The following CACNA2D1 variants were observed in gnomAD, a reference collection of about 807,000 sequenced individuals.
CACNA2D1 encodes voltage-dependent calcium channel subunit alpha-2/delta-1.
CACNA2D1 carries 53 observed loss-of-function variants against 171.5 expected under a neutral mutation model. That is an observed-to-expected ratio of 0.31 (90% CI 0.25 to 0.39). CACNA2D1 has a LOEUF of 0.39. Among genes scored for constraint, CACNA2D1 ranks in the 10% least tolerant of loss-of-function variants. The probability of loss-of-function intolerance (pLI) is 1.00; values close to 1 mark genes in which losing one functional copy is unlikely to be tolerated. For synonymous variants in CACNA2D1, 442 were observed against 443.1 expected (o/e 1.00, Z 0.03); for missense variants, 903 against 1,299.8 (o/e 0.69, Z 4.69).
At chr7:81,961,731 T>G (rs1390586613) in intron 36 of CACNA2D1, among the ~76,000 whole-genome samples, 163 bp downstream of exon 36, 2 of 152,058 alleles carry the variant, frequency 1.3e-5, no homozygotes, top group African/African-American at 4.8e-5. Flanking sequence ...AACTAAAGAT[T>G]GCTGACATTT....
intron 3 of CACNA2D1, among the ~76,000 whole-genome samples, chr7:82,246,861 T>G (rs566841208): frequency 6.6e-6 from 1 of 152,116 alleles, no homozygotes; most frequent in Non-Finnish European, 1.5e-5. Flanking sequence ...TATCAACATA[T>G]TATTCATTCT....
intron 3 of CACNA2D1, among the ~76,000 whole-genome samples, chr7:82,178,500 T>C (rs142185465): frequency 1.7e-3 from 255 of 152,230 alleles, no homozygotes; most frequent in African/African-American, 5.9e-3. Flanking sequence ...GTTGAACTTG[T>C]TGAACACACC....
At chr7:82,351,834 A>G (rs1228181936) in intron 1 of CACNA2D1, among the ~76,000 whole-genome samples, 1 of 152,186 alleles carries the variant, frequency 6.6e-6, no homozygotes, top group East Asian at 1.9e-4. Flanking sequence ...AGATGAGACT[A>G]TCTCATTTCT....
intron 6 of CACNA2D1, among the ~76,000 whole-genome samples, chr7:82,096,232 A>T (rs528264513): frequency 1.3e-5 from 2 of 152,198 alleles, no homozygotes; most frequent in East Asian, 3.9e-4. Context: ...TAGCACAAAA[A>T]CTTCCTTAGA....
intron 3 of CACNA2D1, among the ~76,000 whole-genome samples, chr7:82,227,055 G>C (rs931228797): frequency 1.2e-4 from 19 of 152,148 alleles, no homozygotes; most frequent in African/African-American, 3.9e-4. Context: ...TTAAAATCTT[G>C]GATACAGATT....
intron 24 of CACNA2D1, among the ~76,000 whole-genome samples, chr7:81,981,012 TAA>T: frequency 6.6e-6 from 1 of 152,284 alleles, no homozygotes; most frequent in South Asian, 2.1e-4. Flanking sequence ...TTGAAATATG[TAA>T]AGTCTGGAAA....
intron 3 of CACNA2D1, among the ~76,000 whole-genome samples, chr7:82,277,059 T>C (rs1221565222): frequency 6.6e-6 from 1 of 152,130 alleles, no homozygotes; most frequent in Non-Finnish European, 1.5e-5. Context: ...ATTTCTCTTT[T>C]TTTAACATCA....
intron 3 of CACNA2D1, among the ~76,000 whole-genome samples, chr7:82,296,277 A>AC (rs1016712339): frequency 6.6e-6 from 1 of 151,896 alleles, no homozygotes; most frequent in African/African-American, 2.4e-5. Flanking sequence ...AAAAAAAAAA[A>AC]CATGTAGATT....
chr7:82,285,698 A>C (rs1810674002), intron 3 of CACNA2D1, among the ~76,000 whole-genome samples: 2 of 152,150 alleles, frequency 1.3e-5, no homozygotes, highest in Admixed American at 1.3e-4. Context: ...ATGGGACAGG[A>C]CTTTTCCTGG....
At chr7:82,009,952 A>G (rs148031398) in intron 15 of CACNA2D1, among the ~76,000 whole-genome samples, 1 of 151,916 alleles carries the variant, frequency 6.6e-6, no homozygotes. Context: ...ATATTGTCCT[A>G]ATCTCCCCTT....
At chr7:82,355,107 G>A (rs1310113484) in intron 1 of CACNA2D1, among the ~76,000 whole-genome samples, 2 of 152,078 alleles carry the variant, frequency 1.3e-5, no homozygotes, top group African/African-American at 4.8e-5. Flanking sequence ...ACTAAATGAG[G>A]AGGGCTGAGT....
chr7:82,434,804 G>C (rs964517267), intron 1 of CACNA2D1, among the ~76,000 whole-genome samples: 4 of 151,974 alleles, frequency 2.6e-5, no homozygotes, highest in African/African-American at 9.7e-5. Context: ...TCCCTGACAC[G>C]CTACTTAGAC....
intron 6 of CACNA2D1, among the ~76,000 whole-genome samples, chr7:82,094,142 T>C (rs1166999496): frequency 6.6e-6 from 1 of 151,896 alleles, no homozygotes; most frequent in East Asian, 1.9e-4. Flanking sequence ...GATTTTAAGA[T>C]GGAAAGATCA....
intron 1 of CACNA2D1, 88 bp downstream of exon 1, chr7:82,443,277 A>G: frequency 1.6e-5 from 18 of 1,105,144 alleles, no homozygotes; most frequent in Non-Finnish European, 1.8e-5. Flanking sequence ...CCACGGGCGG[A>G]AAAGCCCCGC....
At chr7:81,995,617 G>T (rs2130783772) in intron 19 of CACNA2D1, among the ~76,000 whole-genome samples, 1 of 152,118 alleles carries the variant, frequency 6.6e-6, no homozygotes, top group East Asian at 1.9e-4. Flanking sequence ...CAGCCAGAAT[G>T]ATGAAACCCC....
chr7:82,013,678 T>C (rs1444831255), intron 13 of CACNA2D1, among the ~76,000 whole-genome samples, 168 bp from the exon 14 acceptor site: 2 of 151,932 alleles, frequency 1.3e-5, no homozygotes, highest in African/African-American at 2.4e-5. Flanking sequence ...TTAATGAATC[T>C]TCACAACAAA....
chr7:82,034,538 G>A (rs954452770), intron 11 of CACNA2D1, among the ~76,000 whole-genome samples: 8 of 151,950 alleles, frequency 5.3e-5, no homozygotes, highest in African/African-American at 1.4e-4. Flanking sequence ...ATCTTTGAAG[G>A]TAACCTATCT....
At chr7:82,410,901 T>C (rs1020975352) in intron 1 of CACNA2D1, among the ~76,000 whole-genome samples, 3 of 152,238 alleles carry the variant, frequency 2.0e-5, no homozygotes, top group African/African-American at 7.2e-5. Context: ...TTTTAATCTT[T>C]CGAGACTGCC....
chr7:81,987,809 T>C (rs1445815077), intron 21 of CACNA2D1, among the ~76,000 whole-genome samples: 1 of 152,048 alleles, frequency 6.6e-6, no homozygotes, highest in Non-Finnish European at 1.5e-5. Flanking sequence ...AACAGTGATA[T>C]GTATGGTGAT....
Sources: allele counts gnomAD v4.1 joint callset (sites outside exome capture counted in the v4.1 genomes callset), GRCh38; gene constraint gnomAD v4.1.1; transcripts MANE v1.5; gene names NCBI Gene and HGNC (gene_info 2026-07-23, HGNC 2026-07-21).